The following SGPP2 variants were observed in gnomAD, a reference collection of about 807,000 sequenced individuals.
SGPP2 encodes the protein sphingosine-1-phosphate phosphatase 2, also known as sphingosine 1-phosphate phosphohydrolase 2.
Under a neutral mutation model 33.9 loss-of-function variants are expected in SGPP2, and 30 were observed. That is an observed-to-expected ratio of 0.89 (90% confidence interval 0.66 to 1.20). SGPP2 has a LOEUF of 1.20. SGPP2 is among the 50% of genes most tolerant of loss of function. SGPP2 has a pLI of 0.00. For missense variants in SGPP2, 458 were observed against 532.1 expected, an observed-to-expected ratio of 0.86 and a Z score of 1.37; for synonymous variants, 233 against 225.0, an observed-to-expected ratio of 1.04 and a Z score of -0.32.
At chr2:222,548,798 T>G (rs539497195) in intron 4 of SGPP2, among the ~76,000 whole-genome samples, 2 of 152,258 alleles carry the variant, frequency 1.3e-5, no homozygotes, top group Admixed American at 6.5e-5. Context: ...ATATTCATAT[T>G]CATGAATAAT....
intron 2 of SGPP2, among the ~76,000 whole-genome samples, chr2:222,505,331 T>C (rs1327062560): frequency 6.6e-6 from 1 of 152,214 alleles, no homozygotes; most frequent in Non-Finnish European, 1.5e-5. Context: ...AAGTGCCCAG[T>C]ATGTGAGATG....
At chr2:222,540,878 C>T (rs979098661) in intron 4 of SGPP2, among the ~76,000 whole-genome samples, 1 of 133,944 alleles carries the variant, frequency 7.5e-6, no homozygotes, top group Non-Finnish European at 1.5e-5. Context: ...GGAGTAGTGG[C>T]ATGATCTCAG....
At chr2:222,513,561 G>A (rs146980841) in intron 2 of SGPP2, among the ~76,000 whole-genome samples, 14 of 152,230 alleles carry the variant, frequency 9.2e-5, no homozygotes, top group African/African-American at 3.4e-4. Context: ...GAACATTGCT[G>A]TTTTGGGAAA....
intron 2 of SGPP2, among the ~76,000 whole-genome samples, chr2:222,495,724 C>T (rs561526906): frequency 1.3e-5 from 2 of 152,302 alleles, no homozygotes; most frequent in East Asian, 1.9e-4. Flanking sequence ...CAAGGCCAGA[C>T]ACAGACTCTC....
chr2:222,533,469 G>A (rs1207905108), intron 4 of SGPP2, among the ~76,000 whole-genome samples: 1 of 152,326 alleles, frequency 6.6e-6, no homozygotes, highest in East Asian at 1.9e-4. Flanking sequence ...TGAGAACAGG[G>A]ACTGGAAAGA....
intron 1 of SGPP2, among the ~76,000 whole-genome samples, chr2:222,472,546 TGAG>T (rs1697860403): frequency 6.6e-6 from 1 of 152,116 alleles, no homozygotes; most frequent in African/African-American, 2.4e-5. Context: ...TAGGAGCAAT[TGAG>T]GAAGTCACAC....
chr2:222,435,904 T>C (rs1697232524), intron 1 of SGPP2, among the ~76,000 whole-genome samples: 1 of 152,228 alleles, frequency 6.6e-6, no homozygotes, highest in African/African-American at 2.4e-5. Flanking sequence ...GTGGTTTTTT[T>C]CCTCGTAGAG....
intron 4 of SGPP2, among the ~76,000 whole-genome samples, chr2:222,540,428 T>G (rs1173481538): frequency 6.6e-6 from 1 of 152,232 alleles, no homozygotes; most frequent in Non-Finnish European, 1.5e-5. Flanking sequence ...CTGTACTGCA[T>G]AAATATCAGT....
At position 222,452,910 on chromosome 2, in the gene SGPP2, A is replaced by G. The variant is rs1197038297; in HGVS notation, c.220-21658A>G. ...CTTCACCTGTTTGTAGCTAAGGTTC[A>G]GGATATTGGAAAGTTCTTGCATCTG... On this transcript the variant is annotated intron_variant, in intron 1 of 4. Coordinates refer to ENST00000321276, the MANE Select transcript of SGPP2 (RefSeq NM_152386.4). 3 of 1,593,634 alleles carry G rather than the reference A, an allele frequency of 1.9e-6. No individual in the cohort carries two copies. In the African/African-American group the frequency reaches 4.0e-5, roughly 21 times the overall value.
intron 4 of SGPP2, among the ~76,000 whole-genome samples, chr2:222,543,526 A>G (rs1689117149): frequency 6.6e-6 from 1 of 152,246 alleles, no homozygotes; most frequent in South Asian, 2.1e-4. Context: ...AACAACAACA[A>G]CCAATAATAA....
In SGPP2 at chr2:222,522,701, AAGAC is replaced by A. The variant is rs200538244; in HGVS notation, c.558+758_558+761del. Among the ~76,000 whole-genome samples the A allele has an allele frequency of 4.9e-3, 746 of 152,220 alleles. 19 individuals are homozygous for A. Among genetic ancestry groups the A allele is most frequent in the South Asian group, 8.3e-4 (4 of 4,822 alleles). On this transcript the variant is annotated intron_variant, in intron 3 of 4. Coordinates refer to ENST00000321276, the MANE Select transcript of SGPP2 (RefSeq NM_152386.4). The stretch of plus-strand genomic sequence containing the variant: ...TTTGTTTATTTGTTTGTTTGATTTT[AAGAC>A]AGGGTCTCTGTTGCTGGGGCTGGAG...
rs2106133978 is a variant in SGPP2, at chr2:222,521,877, A to G, written c.489A>G (p.Pro163=). 6.2e-7 allele frequency: 1 copy of G among 1,610,584 alleles called. No individual in the cohort carries two copies. ...GACTGATCGCTGAATATGGAATGCC[A>G]TCCACCCACGCCATGGCGGCCACTG... ...EKRLIAEYGM[P]STHAMAATAI... Residue 163 remains proline (P), a synonymous_variant, in exon 3 of 5, where the codon CCA becomes CCG. Coordinates refer to ENST00000321276, the MANE Select transcript of SGPP2 (RefSeq NM_152386.4).
intron 4 of SGPP2, among the ~76,000 whole-genome samples, chr2:222,552,718 G>A (rs553381655): frequency 1.3e-5 from 2 of 152,158 alleles, no homozygotes; most frequent in South Asian, 4.2e-4. Context: ...AAATTAGCTG[G>A]GCATGGTGGT....
At chr2:222,439,447 A>T (rs1168637389) in intron 1 of SGPP2, among the ~76,000 whole-genome samples, 1 of 152,066 alleles carries the variant, frequency 6.6e-6, no homozygotes, top group Non-Finnish European at 1.5e-5. Flanking sequence ...CACGAGAATC[A>T]CTTGAACCTG....
chr2:222,516,249 A>G (rs1448688251), intron 2 of SGPP2, among the ~76,000 whole-genome samples: 2 of 152,218 alleles, frequency 1.3e-5, no homozygotes, highest in Admixed American at 1.3e-4. Flanking sequence ...TTACGTAAAC[A>G]AATCATGTAG....
chr2:222,502,550 C>T (rs1026775667), intron 2 of SGPP2, among the ~76,000 whole-genome samples: 2 of 152,210 alleles, frequency 1.3e-5, no homozygotes, highest in African/African-American at 2.4e-5. Context: ...GTCATGTCAA[C>T]ATTCAAAAGA....
chr2:222,526,035 C>T (rs1698753624), intron 4 of SGPP2, among the ~76,000 whole-genome samples: 3 of 152,200 alleles, frequency 2.0e-5, no homozygotes, highest in Admixed American at 2.0e-4. Context: ...AGCAACATTA[C>T]GCTTTCCTCT....
At chr2:222,527,940 A>G (rs991769860) in intron 4 of SGPP2, among the ~76,000 whole-genome samples, 1 of 152,184 alleles carries the variant, frequency 6.6e-6, no homozygotes, top group Non-Finnish European at 1.5e-5. Context: ...TGTGGTAAAG[A>G]AACCTATGCC....
intron 2 of SGPP2, among the ~76,000 whole-genome samples, chr2:222,488,177 C>G (rs1698141479): frequency 6.6e-6 from 1 of 152,152 alleles, no homozygotes; most frequent in Admixed American, 6.5e-5. Context: ...TCCTGTGGTC[C>G]CCCATGATAG....
Sources: allele counts gnomAD v4.1 joint callset (sites outside exome capture counted in the v4.1 genomes callset), GRCh38; gene constraint gnomAD v4.1.1; transcripts MANE v1.5; gene names NCBI Gene and HGNC (gene_info 2026-07-23, HGNC 2026-07-21).